Variants in FER observed in about 807,000 individuals in gnomAD.
The protein encoded by FER is tyrosine-protein kinase Fer.
In FER, 63 loss-of-function variants were observed where a neutral mutation model predicts 111.0. That is an observed-to-expected ratio of 0.57 (90% CI 0.46 to 0.70). FER has a LOEUF of 0.70. Ranked by LOEUF, FER falls within the 30% of genes least tolerant of loss-of-function variation. The pLI, the probability that FER is intolerant of heterozygous loss-of-function variation, is 0.00. For missense variants in FER, 914 were observed against 954.0 expected (o/e 0.96, Z 0.55); for synonymous variants, 327 against 313.9 (o/e 1.04, Z -0.44).
intron 3 of FER, among the ~76,000 whole-genome samples, chr5:108,825,425 T>C (rs1759357313): frequency 1.3e-5 from 2 of 152,188 alleles, no homozygotes; most frequent in African/African-American, 4.8e-5. Flanking sequence ...AGAAGAGAAA[T>C]ATGGCTCTGT....
At chr5:109,052,180 A>T in intron 16 of FER, 1 of 1,608,474 alleles carries the variant, frequency 6.2e-7, no homozygotes, top group South Asian at 1.1e-5. Context: ...CACATGAGCC[A>T]GGTACAAGAG....
intron 11 of FER, among the ~76,000 whole-genome samples, chr5:108,953,467 T>A (rs1758025146): frequency 1.3e-5 from 2 of 152,160 alleles, no homozygotes; most frequent in Admixed American, 1.3e-4. Context: ...GAAGTAAGAA[T>A]CAGAATGTAG....
At chr5:109,139,341 T>C (rs1753262744) in intron 17 of FER, among the ~76,000 whole-genome samples, 1 of 110,794 alleles carries the variant, frequency 9.0e-6, no homozygotes, top group Non-Finnish European at 1.8e-5. Context: ...TACTTCTCCT[T>C]CTTTCTTTCT....
chr5:109,167,148 A>G (rs991299118), intron 17 of FER, among the ~76,000 whole-genome samples: 6 of 152,204 alleles, frequency 3.9e-5, no homozygotes, highest in Admixed American at 1.3e-4. Flanking sequence ...TCTGCAGTAT[A>G]TAACAGAGGA....
chr5:108,910,121 G>A (rs1751337017), intron 10 of FER, among the ~76,000 whole-genome samples: 1 of 151,816 alleles, frequency 6.6e-6, no homozygotes, highest in South Asian at 2.1e-4. Context: ...AATTAAAAAT[G>A]GACAAAGATT....
chr5:109,188,925 A>ACAC lies in FER; in HGVS notation c.*1356_*1358dup, dbSNP rs1162182839. 2 of 152,156 alleles carry ACAC rather than the reference A, an allele frequency of 1.3e-5. No homozygotes were observed. The highest frequency in any genetic ancestry group is 2.9e-5 in the Non-Finnish European group (2 of 68,034). 9.4% of individuals were successfully genotyped at this position (152,156 alleles called of 1,614,324 possible). ...CACGTGTGTACATGCGCGTGCACAC[A>ACAC]CACCACCAAGGTGCAAGACAGATGT... On this transcript the variant is annotated 3_prime_UTR_variant, in exon 20 of 20. Coordinates refer to ENST00000281092, the MANE Select transcript of FER (RefSeq NM_005246.4).
intron 17 of FER, among the ~76,000 whole-genome samples, chr5:109,139,368 T>TTTTTTG (rs761004028): frequency 1.6e-5 from 2 of 125,344 alleles, no homozygotes; most frequent in Non-Finnish European, 3.4e-5. Context: ...TTTTTTTTTT[T>TTTTTTG]GAGGCAGAGT....
chr5:108,863,128 TTTTG>T (rs1260433602), intron 5 of FER, among the ~76,000 whole-genome samples: 1 of 152,050 alleles, frequency 6.6e-6, no homozygotes, highest in Non-Finnish European at 1.5e-5. Context: ...TGACCTTTTT[TTTTG>T]TTTGTTTGAC....
At chr5:108,839,025 T>G (rs188627984) in intron 5 of FER, among the ~76,000 whole-genome samples, 4 of 152,100 alleles carry the variant, frequency 2.6e-5, no homozygotes, top group African/African-American at 9.7e-5. Context: ...CTTCATTGCC[T>G]TAACAAACAT....
intron 14 of FER, among the ~76,000 whole-genome samples, chr5:109,038,385 A>G (rs1770687569): frequency 6.6e-6 from 1 of 151,950 alleles, no homozygotes; most frequent in African/African-American, 2.4e-5. Context: ...TTTTAGATGA[A>G]GAAATGATTA....
At chr5:108,906,229 T>C (rs955687406) in intron 10 of FER, among the ~76,000 whole-genome samples, 10 of 152,224 alleles carry the variant, frequency 6.6e-5, no homozygotes, top group African/African-American at 2.4e-4. Flanking sequence ...AATATTTGAT[T>C]ATTTGATGAA....
intron 16 of FER, among the ~76,000 whole-genome samples, chr5:109,054,288 T>C (rs1169860508): frequency 1.3e-5 from 2 of 152,248 alleles, no homozygotes; most frequent in Non-Finnish European, 2.9e-5. Context: ...CCCATCGTCG[T>C]CAGCACTTAC....
intron 1 of FER, among the ~76,000 whole-genome samples, chr5:108,751,693 T>G (rs1295392278): frequency 6.6e-6 from 1 of 152,206 alleles, no homozygotes; most frequent in African/African-American, 2.4e-5. Flanking sequence ...GAACTTTTTT[T>G]AGTAGAACTG....
intron 16 of FER, among the ~76,000 whole-genome samples, chr5:109,098,556 A>G (rs565521380): frequency 6.6e-6 from 1 of 151,862 alleles, no homozygotes; most frequent in East Asian, 1.9e-4. Flanking sequence ...ACATATATCT[A>G]ACAAAAGAAT....
intron 17 of FER, among the ~76,000 whole-genome samples, chr5:109,153,633 A>T (rs1164289373): frequency 1.3e-5 from 2 of 151,862 alleles, no homozygotes; most frequent in Non-Finnish European, 2.9e-5. Context: ...ATCAACATTT[A>T]TGTATTGCTT....
Position 109,159,440 on chromosome 5 carries a change from G to A in FER, c.2049-21307G>A, listed in dbSNP as rs200600548. On this transcript the variant is annotated intron_variant, in intron 17 of 19. Transcript: ENST00000281092. ...AGTAACCAGTTGGTACCATGAACAG[G>A]GATCACTCTGTTGAATGAATGAATT... Among the ~76,000 whole-genome samples, 12 of 132,072 alleles carry A rather than the reference G, an allele frequency of 9.1e-5. No individual in the cohort carries two copies. In the East Asian group the frequency reaches 2.2e-3, roughly 24 times the overall value. The allele number at this position is 132,072 out of a possible 152,430, so 86.6% of individuals were successfully genotyped here.
At chr5:109,007,157 A>T (rs1295022619) in intron 13 of FER, among the ~76,000 whole-genome samples, 2 of 152,142 alleles carry the variant, frequency 1.3e-5, no homozygotes, top group Non-Finnish European at 2.9e-5. Flanking sequence ...GGCCAAATGC[A>T]GTTTCGAAGT....
At chr5:109,110,322 G>A (rs1388314054) in intron 17 of FER, among the ~76,000 whole-genome samples, 3 of 152,236 alleles carry the variant, frequency 2.0e-5, no homozygotes, top group Non-Finnish European at 2.9e-5. Flanking sequence ...AGGGATGGTG[G>A]AGATGGGCAC....
chr5:108,910,138 A>C (rs750167474), intron 10 of FER, among the ~76,000 whole-genome samples: 86 of 152,280 alleles, frequency 5.6e-4, no homozygotes, highest in Middle Eastern at 3.4e-3. Context: ...GATTATGAAT[A>C]AGATATTCAT....
Sources: gnomAD v4.1 joint callset for allele counts (sites outside exome capture counted in the v4.1 genomes callset) on GRCh38, gnomAD v4.1.1 for gene constraint, MANE v1.5 for transcripts, NCBI Gene and HGNC (gene_info 2026-07-23, HGNC 2026-07-21) for gene names.